The following ARHGEF3 variants were observed in gnomAD, a reference collection of about 807,000 sequenced individuals.
The protein encoded by ARHGEF3 is 59.8 kDA protein.
A neutral mutation model predicts 63.2 loss-of-function variants in ARHGEF3; 28 were observed. That is an observed-to-expected ratio of 0.44 (90% confidence interval 0.33 to 0.61). ARHGEF3 has a LOEUF of 0.61. Among genes scored for constraint, ARHGEF3 ranks in the 20% least tolerant of loss-of-function variants. ARHGEF3 has a pLI of 0.03. For synonymous variants in ARHGEF3, 266 were observed against 254.2 expected (o/e 1.05, Z -0.44); for missense variants, 533 against 659.3 (o/e 0.81, Z 2.10).
At chr3:56,991,364 GA>G (rs199974493) in intron 2 of ARHGEF3, among the ~76,000 whole-genome samples, 1 of 150,012 alleles carries the variant, frequency 6.7e-6, no homozygotes, top group African/African-American at 2.4e-5. Context: ...GTTAAAAAAA[GA>G]AAAAAAAACT....
chr3:57,066,075 C>T (rs1251810992), intron 1 of ARHGEF3, among the ~76,000 whole-genome samples: 2 of 151,800 alleles, frequency 1.3e-5, no homozygotes, highest in African/African-American at 2.4e-5. Flanking sequence ...AGAAAAAATC[C>T]TTTCAATCAG....
At chr3:57,036,815 C>T (rs1039147278) in intron 1 of ARHGEF3, among the ~76,000 whole-genome samples, 7 of 152,180 alleles carry the variant, frequency 4.6e-5, no homozygotes, top group African/African-American at 7.2e-5. Flanking sequence ...ACCGTTGCAT[C>T]CACTACTTTG....
chr3:56,943,943 G>A (rs927250275), intron 3 of ARHGEF3, among the ~76,000 whole-genome samples: 1 of 150,788 alleles, frequency 6.6e-6, no homozygotes, highest in African/African-American at 2.4e-5. Context: ...TTGGAAGGCT[G>A]AGGCAGGTGG....
chr3:57,002,493 ATATGT>A (rs1228202940), intron 2 of ARHGEF3, among the ~76,000 whole-genome samples: 503 of 28,822 alleles, frequency 0.017, 29 homozygotes, highest in African/African-American at 0.051. Flanking sequence ...ATATATATAT[ATATGT>A]TATATATATA....
chr3:56,775,351 G>A, intron 1 of ARHGEF3: 1 of 1,114,532 alleles, frequency 9.0e-7, no homozygotes, highest in Non-Finnish European at 1.1e-6. Context: ...CTGTCTCCAA[G>A]CTTTCCAGCA....
At chr3:56,781,752 C>T (rs924816812) in intron 1 of ARHGEF3, among the ~76,000 whole-genome samples, 2 of 152,216 alleles carry the variant, frequency 1.3e-5, no homozygotes, top group Admixed American at 6.5e-5. Flanking sequence ...TTTGTGCATT[C>T]TTCTTAGCCC....
intron 3 of ARHGEF3, among the ~76,000 whole-genome samples, chr3:56,912,172 G>A (rs1022730332): frequency 1.3e-5 from 2 of 152,010 alleles, no homozygotes; most frequent in African/African-American, 2.4e-5. Context: ...TTGACTTTTT[G>A]TGCAAGATAT....
At chr3:57,010,006 G>A (rs1702617974) in intron 2 of ARHGEF3, among the ~76,000 whole-genome samples, 2 of 152,198 alleles carry the variant, frequency 1.3e-5, no homozygotes, top group Non-Finnish European at 1.5e-5. Flanking sequence ...TGGTGGAGCA[G>A]GAACTGGACC....
At chr3:57,004,305 T>C (rs999029255) in intron 2 of ARHGEF3, among the ~76,000 whole-genome samples, 3 of 152,224 alleles carry the variant, frequency 2.0e-5, no homozygotes, top group Admixed American at 2.0e-4. Flanking sequence ...TTCTAATAGA[T>C]CCGCCCTGAT....
At chr3:56,774,653 G>A (rs1485484029) in intron 1 of ARHGEF3, among the ~76,000 whole-genome samples, 1 of 152,110 alleles carries the variant, frequency 6.6e-6, no homozygotes, top group African/African-American at 2.4e-5. Flanking sequence ...TGTAATCAAA[G>A]CACTTTGGGA....
At position 56,729,229 on chromosome 3, in the gene ARHGEF3, G is replaced by C; in HGVS notation, c.*41C>G. ...ATCTGTGGAATGCAAATACTGTACA[G>C]GTAAGATGCAGGCCTGCTTCCCGAA... is the stretch of plus-strand genomic sequence containing the variant. On this transcript the variant is annotated 3_prime_UTR_variant, in exon 10 of 10. Coordinates refer to ENST00000296315, the MANE Select transcript of ARHGEF3 (RefSeq NM_019555.3). 6.5e-7 allele frequency: 1 copy of C among 1,549,700 alleles called. No homozygotes were observed. Among genetic ancestry groups the C allele is most frequent in the Non-Finnish European group, 8.8e-7 (1 of 1,136,896 alleles).
chr3:56,737,435 A>G, intron 7 of ARHGEF3, 80 bp from the exon 8 acceptor site: 1 of 1,095,752 alleles, frequency 9.1e-7, no homozygotes, highest in Non-Finnish European at 1.3e-6. Flanking sequence ...TCAGCCTAGA[A>G]GGACACCAGG....
At chr3:57,073,901 G>A (rs1020070832) in intron 1 of ARHGEF3, 9 of 1,614,224 alleles carry the variant, frequency 5.6e-6, no homozygotes, top group Non-Finnish European at 7.6e-6. Flanking sequence ...CCCTCCCAGA[G>A]CTGACATTTC....
rs72294634 is a variant in ARHGEF3 at position 56,923,025 on chromosome 3, AATATATATATATATATAT to A, written c.129+35780_129+35797del. On this transcript the variant is annotated intron_variant, in intron 3 of 12. Transcript: ENST00000338458. ...AAATGGCAAAACCCCATCTCTACTA[AATATATATATATATATAT>A]ATATATATATATATATATATATATA... Among the ~76,000 whole-genome samples, 508 of 91,226 alleles carry A rather than the reference AATATATATATATATATAT, an allele frequency of 5.6e-3. 10 individuals are homozygous for A. Among genetic ancestry groups the A allele is most frequent in the East Asian group, 0.044 (141 of 3,190 alleles). The allele number at this position is 91,226 out of a possible 152,430, so 59.8% of individuals were successfully genotyped here. A position where few individuals can be genotyped will look rare whatever the true frequency, so the allele number is the denominator to read the frequency against.
chr3:56,853,770 A>G (rs2108157536), intron 4 of ARHGEF3, among the ~76,000 whole-genome samples: 1 of 152,330 alleles, frequency 6.6e-6, no homozygotes, highest in South Asian at 2.1e-4. Context: ...TGACGCACAT[A>G]CTACATGCCA....
At chr3:56,995,666 A>AGAGAGAGAGAGAGAGAGG (rs1560116629) in intron 2 of ARHGEF3, among the ~76,000 whole-genome samples, 54 of 127,244 alleles carry the variant, frequency 4.2e-4, no homozygotes, top group Non-Finnish European at 7.8e-4. Context: ...AGAGAGAGAG[A>AGAGAGAGAGAGAGAGAGG]GAGAGAATTT....
At chr3:56,878,674 C>T (rs2040671475) in intron 4 of ARHGEF3, among the ~76,000 whole-genome samples, 2 of 152,176 alleles carry the variant, frequency 1.3e-5, no homozygotes, top group Non-Finnish European at 1.5e-5. Context: ...TGTAAAATTT[C>T]CTGTGCTATC....
At chr3:56,876,063 G>A (rs7611431) in intron 4 of ARHGEF3, among the ~76,000 whole-genome samples, 81,247 of 151,976 alleles carry the variant, frequency 0.53, 21,908 homozygotes, top group Non-Finnish European at 0.57. Flanking sequence ...CAGGTGAAAT[G>A]CGGGGAGAAG....
chr3:57,070,107 T>A (rs1212469844), intron 1 of ARHGEF3, among the ~76,000 whole-genome samples: 2 of 152,196 alleles, frequency 1.3e-5, no homozygotes, highest in African/African-American at 2.4e-5. Flanking sequence ...TAAAACAAGA[T>A]AAAATGGAGC....
Sources: allele counts gnomAD v4.1 joint callset (sites outside exome capture counted in the v4.1 genomes callset), GRCh38; gene constraint gnomAD v4.1.1; transcripts MANE v1.5; gene names NCBI Gene and HGNC (gene_info 2026-07-23, HGNC 2026-07-21).